The following STAB2 variants were observed in gnomAD, a reference collection of about 807,000 sequenced individuals.
The protein encoded by STAB2 is stabilin-2.
In STAB2, 288 loss-of-function variants were observed where a neutral mutation model predicts 338.1. The ratio of observed to expected loss-of-function variants is 0.85; its 90% CI spans 0.77 to 0.94. The LOEUF is 0.94. Among genes scored for constraint, STAB2 ranks in the 40% least tolerant of loss-of-function variants. STAB2 has a pLI of 0.00. For missense variants in STAB2, 3,141 were observed against 3,210.1 expected (o/e 0.98, Z 0.52); for synonymous variants, 1,202 against 1,193.3 (o/e 1.01, Z -0.15).
intron 25 of STAB2, among the ~76,000 whole-genome samples, chr12:103,679,528 G>GT (rs991807311): frequency 6.6e-6 from 1 of 152,032 alleles, no homozygotes; most frequent in African/African-American, 2.4e-5. Context: ...AATCCTCAAC[G>GT]TTGACATGTC....
chr12:103,610,994 G>A (rs1019089548), intron 3 of STAB2, among the ~76,000 whole-genome samples: 20 of 152,314 alleles, frequency 1.3e-4, no homozygotes, highest in South Asian at 1.0e-3. Flanking sequence ...GTAGTGGAGC[G>A]GTTTTGAGTG....
chr12:103,753,417 C>CTTTTTTTTTTTTTTTTTTTTTTTTTT, intron 61 of STAB2, 64 bp downstream of exon 61: 1 of 1,609,226 alleles, frequency 6.2e-7, no homozygotes, highest in Non-Finnish European at 8.5e-7. Context: ...GCAGCCCTTT[C>CTTTTTTTTTTTTTTTTTTTTTTTTTT]TTAAGATGGG....
chr12:103,685,473 C>CGTGT (rs1482208499), intron 27 of STAB2, among the ~76,000 whole-genome samples: 2 of 137,790 alleles, frequency 1.5e-5, no homozygotes, highest in Non-Finnish European at 3.3e-5. Context: ...TGTGTGTGTG[C>CGTGT]GTGCGCGCAT....
intron 50 of STAB2, among the ~76,000 whole-genome samples, chr12:103,732,684 A>T (rs1881725868): frequency 6.6e-6 from 1 of 152,156 alleles, no homozygotes; most frequent in Non-Finnish European, 1.5e-5. Flanking sequence ...GCATGCCAGT[A>T]GTCCCAGCTA....
At chr12:103,752,144 T>C (rs1271309979) in intron 60 of STAB2, among the ~76,000 whole-genome samples, 1 of 152,120 alleles carries the variant, frequency 6.6e-6, no homozygotes, top group East Asian at 1.9e-4. Context: ...AAGATAAGCA[T>C]ACCCATCCCA....
At position 103,759,146 on chromosome 12, in the gene STAB2, G is replaced by A. The variant is rs758309676; in HGVS notation, c.7121G>A (p.Arg2374Gln). 2.9e-5 allele frequency: 46 copies of A among 1,613,966 alleles called. No individual in the cohort carries two copies. In the Admixed American group the frequency reaches 3.2e-4, roughly 11 times the overall value. Residue 2374 changes from arginine (R) to glutamine (Q), a missense_variant, in exon 65 of 69, where the codon CGG becomes CAG. By Grantham distance (43) the Arg-to-Gln change is conservative. Transcript: ENST00000388887. ...CTTTTTTCTCAGACCTTGTCTGGGC[G>A]GGACATCGAGCACCACCTCGCCAAT... The part of the protein sequence containing the change: ...GLGENETLSG[R>Q]DIEHHLANVS...
intron 23 of STAB2, among the ~76,000 whole-genome samples, chr12:103,674,901 C>A (rs1379999903): frequency 1.3e-5 from 2 of 152,270 alleles, no homozygotes; most frequent in Non-Finnish European, 2.9e-5. Flanking sequence ...ATAGAAATGC[C>A]TTTTCCTAAG....
At chr12:103,737,419 T>C (rs1216275426) in intron 52 of STAB2, among the ~76,000 whole-genome samples, 2 of 152,162 alleles carry the variant, frequency 1.3e-5, no homozygotes, top group Admixed American at 6.5e-5. Flanking sequence ...TTAGCACAGG[T>C]AAAGGACTTA....
intron 5 of STAB2, among the ~76,000 whole-genome samples, chr12:103,625,224 A>G: frequency 6.6e-6 from 1 of 152,236 alleles, no homozygotes; most frequent in East Asian, 1.9e-4. Flanking sequence ...GTTATCTCCA[A>G]GACACTGGTG....
At chr12:103,722,931 A>G (rs890230950) in intron 44 of STAB2, among the ~76,000 whole-genome samples, 3 of 152,166 alleles carry the variant, frequency 2.0e-5, no homozygotes, top group Admixed American at 2.0e-4. Context: ...GTCGGTCAGT[A>G]TATTAGTCAG....
intron 56 of STAB2, among the ~76,000 whole-genome samples, chr12:103,744,063 AG>A (rs1882801260): frequency 6.6e-6 from 1 of 152,200 alleles, no homozygotes; most frequent in Non-Finnish European, 1.5e-5. Flanking sequence ...GCAACAACCC[AG>A]GCCAGCGCTA....
At chr12:103,636,648 CAGA>C (rs1957552911) in intron 6 of STAB2, among the ~76,000 whole-genome samples, 1 of 152,036 alleles carries the variant, frequency 6.6e-6, no homozygotes, top group Non-Finnish European at 1.5e-5. Context: ...CACTCTAACC[CAGA>C]AGTTTTGTAT....
intron 63 of STAB2, among the ~76,000 whole-genome samples, chr12:103,757,529 G>A (rs1884221940): frequency 6.6e-6 from 1 of 152,252 alleles, no homozygotes; most frequent in African/African-American, 2.4e-5. Context: ...AGTGGAGCAG[G>A]GCTTGGGGGG....
intron 30 of STAB2, among the ~76,000 whole-genome samples, chr12:103,692,059 G>C (rs1476858916): frequency 1.3e-5 from 2 of 152,206 alleles, no homozygotes; most frequent in Non-Finnish European, 2.9e-5. Flanking sequence ...AGACTGGGAG[G>C]CTTAAACAAC....
chr12:103,734,198 T>C (rs1881901231), intron 51 of STAB2, among the ~76,000 whole-genome samples: 1 of 144,378 alleles, frequency 6.9e-6, no homozygotes, highest in South Asian at 2.2e-4. Flanking sequence ...GCAAGCACGA[T>C]CATATAGGAG....
In STAB2 at chr12:103,716,987, G is replaced by A. The variant is rs184574805; in HGVS notation, c.4612-783G>A. On this transcript the variant is annotated intron_variant, in intron 43 of 68. Transcript: ENST00000388887. Reference sequence around the variant, plus strand: ...GGAAGAGAAACGGGAAAACCTGCCCGTGTAGCCCTAGCTGGCACCAATGAT... The same window carrying A: ...GGAAGAGAAACGGGAAAACCTGCCCATGTAGCCCTAGCTGGCACCAATGAT... Among the ~76,000 whole-genome samples, 20 of 152,310 alleles carry A rather than the reference G, an allele frequency of 1.3e-4. No individual in the cohort carries two copies. In the East Asian group the frequency reaches 2.7e-3, roughly 21 times the overall value.
chr12:103,733,938 T>C (rs555588889), intron 51 of STAB2, among the ~76,000 whole-genome samples: 61 of 144,280 alleles, frequency 4.2e-4, no homozygotes, highest in African/African-American at 1.6e-3. Flanking sequence ...GGAGCAAGCA[T>C]GATCACATAG....
At chr12:103,721,864 G>C (rs931173022) in intron 44 of STAB2, among the ~76,000 whole-genome samples, 6 of 152,188 alleles carry the variant, frequency 3.9e-5, no homozygotes, top group African/African-American at 1.4e-4. Flanking sequence ...AAGACCTGCT[G>C]ATAGACTGGA....
Position 103,683,282 on chromosome 12 carries a change from C to T in STAB2, c.2883C>T (p.Thr961=), listed in dbSNP as rs746505905. The part of the protein sequence containing the change: ...CEPITSCLEQ[T]GKCHPLASCQ... ...CAATAACTTCATGCTTGGAACAAAC[C>T]GGGAAATGTCATCCATTGGTGAGTT... The change falls in exon 26 of 69, where the codon ACC becomes ACT. Residue 961 remains threonine, a synonymous_variant. Coordinates refer to ENST00000388887, the MANE Select transcript of STAB2 (RefSeq NM_017564.10). 1.1e-5 allele frequency: 18 copies of T among 1,607,828 alleles called. No individual in the cohort carries two copies. The highest frequency in any genetic ancestry group is 2.2e-5 in the East Asian group (1 of 44,612).
Sources: gnomAD v4.1 joint callset for allele counts (sites outside exome capture counted in the v4.1 genomes callset) on GRCh38, gnomAD v4.1.1 for gene constraint, MANE v1.5 for transcripts, NCBI Gene and HGNC (gene_info 2026-07-23, HGNC 2026-07-21) for gene names.